Variants in DNAJC3 observed in about 807,000 individuals in gnomAD.
The protein encoded by DNAJC3 is dnaJ homolog subfamily C member 3.
DNAJC3 carries 38 observed loss-of-function variants against 68.6 expected under a neutral mutation model. The observed-to-expected ratio is 0.55, with a 90% CI of 0.43 to 0.73. The LOEUF (loss-of-function observed/expected upper bound fraction) is 0.73, where lower values mean the gene tolerates loss of function less well. Ranked by LOEUF, DNAJC3 falls within the 30% of genes least tolerant of loss-of-function variation. The pLI is 0.00. For synonymous variants in DNAJC3, 203 were observed against 204.0 expected (o/e 1.00, Z 0.04); for missense variants, 526 against 591.9 (o/e 0.89, Z 1.16).
chr13:95,720,344 T>A (rs1022623340), intron 2 of DNAJC3, among the ~76,000 whole-genome samples: 4 of 152,168 alleles, frequency 2.6e-5, no homozygotes, highest in Admixed American at 6.5e-5. Context: ...TTAAATTTTT[T>A]AAAAAACTAA....
chr13:95,782,257 T>C (rs945572504), intron 9 of DNAJC3, among the ~76,000 whole-genome samples: 1 of 152,230 alleles, frequency 6.6e-6, no homozygotes, highest in African/African-American at 2.4e-5. Flanking sequence ...AGTGCTGCAA[T>C]AAACATACCT....
intron 4 of DNAJC3, among the ~76,000 whole-genome samples, chr13:95,731,628 C>G (rs752454107): frequency 1.3e-5 from 2 of 152,156 alleles, no homozygotes; most frequent in African/African-American, 4.8e-5. Context: ...ACCATTCTTG[C>G]GTCTCTGGGA....
chr13:95,781,249 A>G (rs1159183621), intron 9 of DNAJC3, among the ~76,000 whole-genome samples: 1 of 152,048 alleles, frequency 6.6e-6, no homozygotes, highest in African/African-American at 2.4e-5. Context: ...GTAGGGATTA[A>G]TGCTGCAGCC....
intron 2 of DNAJC3, among the ~76,000 whole-genome samples, chr13:95,718,315 T>C (rs1881215627): frequency 6.6e-6 from 1 of 152,238 alleles, no homozygotes; most frequent in African/African-American, 2.4e-5. Context: ...CACAGTGATG[T>C]AGGAATGGAC....
At chr13:95,733,938 T>C (rs944605970) in intron 4 of DNAJC3, among the ~76,000 whole-genome samples, 4 of 152,122 alleles carry the variant, frequency 2.6e-5, no homozygotes, top group African/African-American at 7.2e-5. Flanking sequence ...GAAAATTTAA[T>C]CTGTTTAAAT....
In DNAJC3 at chr13:95,790,905, C is replaced by T. The variant is rs1320981214; in HGVS notation, c.1390C>T (p.Pro464Ser). Residue 464 changes from proline (P) to serine (S), a missense_variant, in exon 12 of 12, where the codon CCT (proline) becomes TCT (serine). Physicochemically the swap from Pro to Ser is moderately conservative, Grantham distance 74. Transcript: ENST00000602402. The stretch of plus-strand genomic sequence containing the variant: ...AAAGAAGTTTGACGACGGAGAAGAT[C>T]CTTTGGATGCAGAGAGCCAGCAAGG... ...MRKKFDDGED[P>S]LDAESQQGGG... The T allele has an allele frequency of 6.2e-7, 1 of 1,606,126 alleles. No homozygotes were observed. Among genetic ancestry groups the T allele is most frequent in the East Asian group, 2.2e-5 (1 of 44,796 alleles).
chr13:95,708,830 T>C (rs375589594), intron 1 of DNAJC3, among the ~76,000 whole-genome samples: 39 of 152,322 alleles, frequency 2.6e-4, no homozygotes, highest in African/African-American at 8.4e-4. Flanking sequence ...ATACCTAAAA[T>C]AGTGCCTAGT....
At chr13:95,717,542 T>A (rs1319432658) in intron 2 of DNAJC3, among the ~76,000 whole-genome samples, 4 of 152,336 alleles carry the variant, frequency 2.6e-5, no homozygotes, top group Admixed American at 2.6e-4. Context: ...ACATTTTCCG[T>A]ATCTAGATGA....
At chr13:95,750,876 C>T (rs1231850659) in intron 4 of DNAJC3, among the ~76,000 whole-genome samples, 1 of 151,828 alleles carries the variant, frequency 6.6e-6, no homozygotes, top group Non-Finnish European at 1.5e-5. Context: ...ATTCTTAGTA[C>T]TAGATGAAAA....
rs371013756 is a variant in DNAJC3 at position 95,742,572 on chromosome 13, C to T, written c.394-15072C>T. ...CTTACTTTTTCCCCACATTCAGAGC[C>T]TCTTTGGGCTCTTATCCCAGCCAAG... On this transcript the variant is annotated intron_variant, in intron 4 of 11. Coordinates refer to ENST00000602402, the MANE Select transcript of DNAJC3 (RefSeq NM_006260.5). 9 of 451,314 alleles carry T rather than the reference C, an allele frequency of 2.0e-5. No homozygotes were observed. The East Asian group carries it at 3.4e-4, about 17-fold the overall frequency. 28.0% of individuals were successfully genotyped at this position (451,314 alleles called of 1,614,324 possible).
At chr13:95,689,684 T>C (rs1880176418) in intron 1 of DNAJC3, among the ~76,000 whole-genome samples, 1 of 152,048 alleles carries the variant, frequency 6.6e-6, no homozygotes, top group Non-Finnish European at 1.5e-5. Flanking sequence ...TGAGGTGTGG[T>C]GTGTGGTTGT....
intron 9 of DNAJC3, among the ~76,000 whole-genome samples, chr13:95,768,983 TTATCTA>T (rs67826872): frequency 0.12 from 18,119 of 148,102 alleles, 1,496 homozygotes; most frequent in East Asian, 0.45. Context: ...CTCCAAAAAA[TTATCTA>T]TATCTATATC....
chr13:95,750,889 A>G (rs1274882923), intron 4 of DNAJC3, among the ~76,000 whole-genome samples: 1 of 152,182 alleles, frequency 6.6e-6, no homozygotes, highest in African/African-American at 2.4e-5. Context: ...GATGAAAAAG[A>G]AAAGCAAGGA....
chr13:95,775,621 T>G (rs1189436364), intron 9 of DNAJC3, among the ~76,000 whole-genome samples: 3 of 152,240 alleles, frequency 2.0e-5, no homozygotes, highest in African/African-American at 7.2e-5. Context: ...AGTATACTTT[T>G]ATAATGTTTG....
chr13:95,689,847 T>C (rs1880179853), intron 1 of DNAJC3, among the ~76,000 whole-genome samples: 1 of 152,176 alleles, frequency 6.6e-6, no homozygotes. Context: ...TTTAATTTCA[T>C]TGCTCGCCCA....
intron 7 of DNAJC3, among the ~76,000 whole-genome samples, chr13:95,762,184 C>T (rs1001524688): frequency 2.0e-5 from 3 of 152,102 alleles, no homozygotes; most frequent in Non-Finnish European, 2.9e-5. Flanking sequence ...ATCGCTTGAA[C>T]CCGGGAAGTT....
At chr13:95,745,395 C>G (rs1214523440) in intron 4 of DNAJC3, 1 of 152,210 alleles carries the variant, frequency 6.6e-6, no homozygotes, top group Non-Finnish European at 1.5e-5. Context: ...AGAACTGCTA[C>G]AAAGCATCTC....
intron 4 of DNAJC3, among the ~76,000 whole-genome samples, chr13:95,725,461 T>C (rs968198180): frequency 6.6e-6 from 1 of 152,176 alleles, no homozygotes; most frequent in African/African-American, 2.4e-5. Flanking sequence ...CTGTTAACAG[T>C]TGGAAGGTAA....
intron 1 of DNAJC3, among the ~76,000 whole-genome samples, chr13:95,704,847 G>A (rs1880678142): frequency 9.6e-6 from 1 of 104,600 alleles, no homozygotes; most frequent in Non-Finnish European, 1.7e-5. Flanking sequence ...ATCTGTGTGT[G>A]TGTGTTTTTT....
Sources: allele counts gnomAD v4.1 joint callset (sites outside exome capture counted in the v4.1 genomes callset), GRCh38; gene constraint gnomAD v4.1.1; transcripts MANE v1.5; gene names NCBI Gene and HGNC (gene_info 2026-07-23, HGNC 2026-07-21).